The following LHFPL3 variants were observed in gnomAD, a reference collection of about 807,000 sequenced individuals.
LHFPL3 encodes the protein LHFPL tetraspan subfamily member 3 protein.
In LHFPL3, 5 loss-of-function variants were observed where a neutral mutation model predicts 19.3. That is an observed-to-expected ratio of 0.26 (90% CI 0.14 to 0.54). The LOEUF is 0.54. LHFPL3 is among the 20% of genes least tolerant of loss of function. LHFPL3 has a pLI of 0.94. For synonymous variants in LHFPL3, 133 were observed against 126.2 expected (o/e 1.05, Z -0.36); for missense variants, 249 against 307.4 (o/e 0.81, Z 1.42).
chr7:104,582,903 G>A (rs1050943257), intron 1 of LHFPL3, among the ~76,000 whole-genome samples: 3 of 151,838 alleles, frequency 2.0e-5, no homozygotes, highest in African/African-American at 7.3e-5. Context: ...TAAAATCACA[G>A]AGTACCTGGT....
intron 1 of LHFPL3, among the ~76,000 whole-genome samples, chr7:104,480,296 C>T (rs762997172): frequency 2.0e-5 from 3 of 152,122 alleles, no homozygotes; most frequent in Non-Finnish European, 4.4e-5. Flanking sequence ...AGCTCAGTAC[C>T]TGATGCACAG....
intron 1 of LHFPL3, among the ~76,000 whole-genome samples, chr7:104,389,864 A>G (rs932594396): frequency 1.3e-5 from 2 of 152,100 alleles, no homozygotes; most frequent in Admixed American, 6.6e-5. Flanking sequence ...ATAAAAATCA[A>G]CTCACCATCA....
At chr7:104,448,961 ATAC>A (rs1792380959) in intron 1 of LHFPL3, among the ~76,000 whole-genome samples, 1 of 152,242 alleles carries the variant, frequency 6.6e-6, no homozygotes, top group Non-Finnish European at 1.5e-5. Context: ...GTGTGCTTCA[ATAC>A]TAATAGAGTT....
At chr7:104,437,713 G>C (rs942880354) in intron 1 of LHFPL3, among the ~76,000 whole-genome samples, 1 of 152,088 alleles carries the variant, frequency 6.6e-6, no homozygotes, top group Non-Finnish European at 1.5e-5. Context: ...ACTCAGAAAC[G>C]TATAGGGCTG....
chr7:104,392,671 G>C (rs553980474), intron 1 of LHFPL3, among the ~76,000 whole-genome samples: 3 of 152,220 alleles, frequency 2.0e-5, no homozygotes, highest in African/African-American at 7.2e-5. Context: ...TCTCTGCCAG[G>C]CTTTGGTATC....
At chr7:104,861,893 G>A (rs772813644) in intron 2 of LHFPL3, among the ~76,000 whole-genome samples, 2 of 152,158 alleles carry the variant, frequency 1.3e-5, no homozygotes, top group African/African-American at 2.4e-5. Flanking sequence ...CCTGGAATGA[G>A]TGCTGCTGTC....
At chr7:104,594,446 C>G (rs1005678762) in intron 1 of LHFPL3, among the ~76,000 whole-genome samples, 10 of 152,212 alleles carry the variant, frequency 6.6e-5, no homozygotes, top group Admixed American at 6.5e-4. Flanking sequence ...GTAACTCAAC[C>G]TTTCTCTCTG....
chr7:104,520,417 T>C (rs1794033292), intron 1 of LHFPL3, among the ~76,000 whole-genome samples: 2 of 147,150 alleles, frequency 1.4e-5, no homozygotes, highest in African/African-American at 5.1e-5. Flanking sequence ...TCTTTTTTTG[T>C]TGTGTCTCTG....
intron 1 of LHFPL3, among the ~76,000 whole-genome samples, chr7:104,426,989 A>C (rs1791859963): frequency 6.6e-6 from 1 of 152,218 alleles, no homozygotes; most frequent in Admixed American, 6.5e-5. Context: ...ATAATGAATA[A>C]AATTGAATTA....
At chr7:104,535,961 C>G (rs2115859052) in intron 1 of LHFPL3, among the ~76,000 whole-genome samples, 1 of 152,304 alleles carries the variant, frequency 6.6e-6, no homozygotes, top group Admixed American at 6.5e-5. Context: ...TGCTCATTGG[C>G]ACAGTCAGTA....
chr7:104,748,718 AT>A (rs1354635031), intron 2 of LHFPL3, among the ~76,000 whole-genome samples: 1 of 152,168 alleles, frequency 6.6e-6, no homozygotes, highest in African/African-American at 2.4e-5. Context: ...TGATCAATAA[AT>A]ACTAAGGGAA....
At chr7:104,847,133 G>A (rs138844248) in intron 2 of LHFPL3, among the ~76,000 whole-genome samples, 185 of 152,290 alleles carry the variant, frequency 1.2e-3, no homozygotes, top group African/African-American at 4.0e-3. Flanking sequence ...GGCAAGCTCC[G>A]GTTTGGTCAT....
chr7:104,451,026 A>C lies in LHFPL3; in HGVS notation c.445+121802A>C, dbSNP rs181852125. On this transcript the variant is annotated intron_variant, in intron 1 of 2. Coordinates refer to ENST00000424859, the MANE Select transcript of LHFPL3 (RefSeq NM_199000.3). ...TCACCCTTTCATACAGAGGATCCTC[A>C]GAAGTGGAAGGCTTGTGGCTGGACC... Among the ~76,000 whole-genome samples the C allele has an allele frequency of 1.8e-3, 276 of 152,296 alleles. 1 individual carries two copies. The highest frequency in any genetic ancestry group is 6.3e-3 in the African/African-American group (262 of 41,576).
chr7:104,462,774 CCCT>C (rs765924276), intron 1 of LHFPL3, among the ~76,000 whole-genome samples: 4 of 152,014 alleles, frequency 2.6e-5, no homozygotes, highest in Non-Finnish European at 4.4e-5. Flanking sequence ...TGGGAGGAGT[CCCT>C]CCTCCTCATT....
intron 1 of LHFPL3, among the ~76,000 whole-genome samples, chr7:104,583,529 C>G (rs1790504137): frequency 6.6e-6 from 1 of 152,288 alleles, no homozygotes; most frequent in East Asian, 1.9e-4. Context: ...AGGCAACCTA[C>G]AGAATGGGGT....
chr7:104,579,148 A>C (rs1197152904), intron 1 of LHFPL3, among the ~76,000 whole-genome samples: 1 of 152,298 alleles, frequency 6.6e-6, no homozygotes, highest in Non-Finnish European at 1.5e-5. Flanking sequence ...ATTGGAAGGC[A>C]ATATGCTTTA....
chr7:104,333,993 A>G (rs1219288447), intron 1 of LHFPL3, among the ~76,000 whole-genome samples: 1 of 152,226 alleles, frequency 6.6e-6, no homozygotes, highest in Non-Finnish European at 1.5e-5. Flanking sequence ...AAATATGCAT[A>G]TAATTGTACC....
intron 1 of LHFPL3, among the ~76,000 whole-genome samples, chr7:104,678,888 G>T (rs375432730): frequency 3.3e-5 from 5 of 152,234 alleles, no homozygotes; most frequent in South Asian, 4.1e-4. Context: ...ATCTAAGAAG[G>T]TTCCTGGAAA....
intron 2 of LHFPL3, among the ~76,000 whole-genome samples, chr7:104,877,349 C>T (rs1171000149): frequency 6.6e-6 from 1 of 152,062 alleles, no homozygotes; most frequent in African/African-American, 2.4e-5. Flanking sequence ...ACAATATTTG[C>T]AAATTATATA....
Sources: allele counts gnomAD v4.1 joint callset (sites outside exome capture counted in the v4.1 genomes callset), GRCh38; gene constraint gnomAD v4.1.1; transcripts MANE v1.5; gene names NCBI Gene and HGNC (gene_info 2026-07-23, HGNC 2026-07-21).